The following GRM7 variants were observed in gnomAD, a reference collection of about 807,000 sequenced individuals.
GRM7 encodes glutamate metabotropic receptor 7, also known as metabotropic glutamate receptor 7.
In GRM7, 35 loss-of-function variants were observed where a neutral mutation model predicts 84.5. The ratio of observed to expected loss-of-function variants is 0.41; its 90% CI spans 0.32 to 0.55. GRM7 has a LOEUF of 0.55. GRM7 is among the 20% of genes least tolerant of loss of function. GRM7 has a pLI of 0.19. For missense variants in GRM7, 1,003 were observed against 1,194.6 expected (o/e 0.84, Z 2.36); for synonymous variants, 487 against 455.1 (o/e 1.07, Z -0.89).
intron 1 of GRM7, among the ~76,000 whole-genome samples, chr3:7,037,358 G>T (rs972616598): frequency 5.9e-5 from 9 of 152,086 alleles, no homozygotes; most frequent in Admixed American, 5.9e-4. Context: ...GATTACACAG[G>T]GTTAGAACCT....
At chr3:7,072,346 T>G (rs966852286) in intron 1 of GRM7, among the ~76,000 whole-genome samples, 1 of 152,172 alleles carries the variant, frequency 6.6e-6, no homozygotes, top group African/African-American at 2.4e-5. Context: ...TAGTAAGTTA[T>G]TGTCAGTATG....
Position 7,581,859 on chromosome 3 carries a change from A to AT in GRM7, c.2451+2512dup, listed in dbSNP as rs61185913. Among the ~76,000 whole-genome samples the AT allele has an allele frequency of 5.1e-3, 756 of 149,200 alleles. 6 individuals are homozygous for AT. Among genetic ancestry groups the AT allele is most frequent in the African/African-American group, 0.016 (634 of 40,704 alleles). On this transcript the variant is annotated intron_variant, in intron 8 of 9. Transcript: ENST00000357716. ...AAGAGACAGCAGTGTTCTTTTCCTT[A>AT]TTTTTTTTTTGCAAAATATTAACCC...
chr3:7,443,799 T>C (rs538740578), intron 5 of GRM7, among the ~76,000 whole-genome samples: 4 of 152,148 alleles, frequency 2.6e-5, no homozygotes, highest in African/African-American at 9.6e-5. Flanking sequence ...GAAATGAGAG[T>C]AGTTATATTT....
intron 1 of GRM7, among the ~76,000 whole-genome samples, chr3:6,882,292 G>C (rs1381552129): frequency 6.6e-6 from 1 of 152,052 alleles, no homozygotes; most frequent in African/African-American, 2.4e-5. Flanking sequence ...GGAAAATTCG[G>C]GAAATCTAAA....
At chr3:7,338,936 GAAAA>G (rs59730500) in intron 4 of GRM7, among the ~76,000 whole-genome samples, 1 of 133,604 alleles carries the variant, frequency 7.5e-6, no homozygotes, top group Admixed American at 7.6e-5. Context: ...CCAGGCTGGG[GAAAA>G]AAAAAAAAAC....
chr3:6,861,414 G>C lies in GRM7; in HGVS notation c.26G>C (p.Arg9Pro), dbSNP rs1255548681. 6.3e-7 allele frequency: 1 copy of C among 1,594,310 alleles called. No homozygotes were observed. The highest frequency in any genetic ancestry group is 8.5e-7 in the Non-Finnish European group (1 of 1,172,776). Residue 9 changes from arginine (R) to proline (P), a missense_variant, in exon 1 of 10, where the codon CGC becomes CCC. Physicochemically the swap from Arg to Pro is moderately radical, Grantham distance 103. Coordinates refer to ENST00000357716, the MANE Select transcript of GRM7 (RefSeq NM_000844.4). This position sits in a 1 kb window ranked among gnomAD's most constrained non-coding sequence, Gnocchi z 6.4. The stretch of plus-strand genomic sequence containing the variant: ...ATGGTCCAGCTGAGGAAGCTGCTCC[G>C]CGTCCTGACTTTGATGAAGTTCCCC... MVQLRKLL[R>P]VLTLMKFPCC... is the part of the protein sequence containing the mutation.
At chr3:7,205,140 A>T (rs1171848513) in intron 2 of GRM7, among the ~76,000 whole-genome samples, 1 of 152,204 alleles carries the variant, frequency 6.6e-6, no homozygotes. Context: ...TTGTCCTTTC[A>T]TAATTTAAGA....
At chr3:6,962,275 T>A (rs541643613) in intron 1 of GRM7, among the ~76,000 whole-genome samples, 101 of 152,278 alleles carry the variant, frequency 6.6e-4, no homozygotes, top group African/African-American at 2.2e-3. Flanking sequence ...GCTGAATAAT[T>A]TTTTGTCGAA....
chr3:7,150,585 A>G (rs1377032222), intron 2 of GRM7, among the ~76,000 whole-genome samples: 2 of 152,226 alleles, frequency 1.3e-5, no homozygotes, highest in Non-Finnish European at 2.9e-5. Context: ...GAACTGTAAC[A>G]TGATTTTCTC....
intron 4 of GRM7, among the ~76,000 whole-genome samples, chr3:7,411,244 AAAT>A (rs1168253796): frequency 1.3e-5 from 2 of 152,190 alleles, no homozygotes; most frequent in Non-Finnish European, 2.9e-5. Context: ...TATATTTTCC[AAAT>A]AATTCACAAG....
At chr3:7,442,947 C>T (rs895449028) in intron 5 of GRM7, among the ~76,000 whole-genome samples, 1 of 151,980 alleles carries the variant, frequency 6.6e-6, no homozygotes, top group Non-Finnish European at 1.5e-5. Context: ...AACTTCATCT[C>T]CTCTCTTGCC....
At chr3:7,522,034 C>T (rs142004695) in intron 7 of GRM7, among the ~76,000 whole-genome samples, 129 of 152,220 alleles carry the variant, frequency 8.5e-4, no homozygotes, top group African/African-American at 3.0e-3. Context: ...GAAAGTGACT[C>T]ATATAGGGTT....
In GRM7 at chr3:7,000,024, G is replaced by A. The variant is rs149080789; in HGVS notation, c.519+138117G>A. On this transcript the variant is annotated intron_variant, in intron 1 of 9. Transcript: ENST00000357716. ...TAATATGTACCTTCAATAATAAATG[G>A]CATTGGATTCATTATATGCTGTATG... Among the ~76,000 whole-genome samples the A allele has an allele frequency of 3.7e-3, 566 of 152,076 alleles. 4 individuals are homozygous for A. The highest frequency in any genetic ancestry group is 0.011 in the African/African-American group (446 of 41,466).
At chr3:7,322,790 TTATACTC>T (rs973141453) in intron 4 of GRM7, among the ~76,000 whole-genome samples, 39 of 152,148 alleles carry the variant, frequency 2.6e-4, no homozygotes, top group African/African-American at 7.5e-4. Context: ...CTTTACTACT[TTATACTC>T]TATATAGGGA....
intron 1 of GRM7, among the ~76,000 whole-genome samples, chr3:7,115,705 C>T (rs1314358082): frequency 6.6e-6 from 1 of 152,080 alleles, no homozygotes; most frequent in East Asian, 1.9e-4. Context: ...ATGACGCCTG[C>T]CCTCACTAAT....
chr3:7,199,785 A>T (rs745910285), intron 2 of GRM7, among the ~76,000 whole-genome samples: 3 of 152,012 alleles, frequency 2.0e-5, no homozygotes, highest in Non-Finnish European at 4.4e-5. Context: ...GTACCCAATA[A>T]TTTTTCTCTA....
At chr3:7,270,367 G>C (rs999958577) in intron 2 of GRM7, among the ~76,000 whole-genome samples, 5 of 152,110 alleles carry the variant, frequency 3.3e-5, no homozygotes, top group African/African-American at 1.2e-4. Flanking sequence ...TCTGTCTTTT[G>C]TATACCATAG....
At chr3:6,947,783 G>A (rs916449687) in intron 1 of GRM7, among the ~76,000 whole-genome samples, 7 of 152,168 alleles carry the variant, frequency 4.6e-5, no homozygotes, top group Non-Finnish European at 1.0e-4. Flanking sequence ...TTAGTCTTGG[G>A]AGAGTGTATG....
intron 1 of GRM7, among the ~76,000 whole-genome samples, chr3:7,034,777 C>A (rs1696323139): frequency 6.6e-6 from 1 of 152,194 alleles, no homozygotes; most frequent in Non-Finnish European, 1.5e-5. Flanking sequence ...CAATCCATGT[C>A]AGCTGGACAC....
Sources: allele counts gnomAD v4.1 joint callset (sites outside exome capture counted in the v4.1 genomes callset), GRCh38; gene constraint gnomAD v4.1.1; non-coding constraint Gnocchi (gnomAD v3.1); transcripts MANE v1.5; gene names NCBI Gene and HGNC (gene_info 2026-07-23, HGNC 2026-07-21).